PKIB: variants seen among roughly 807,000 people sequenced by gnomAD.
PKIB encodes the protein PKI-beta.
In PKIB, 2 loss-of-function variants were observed where a neutral mutation model predicts 4.5. The observed-to-expected ratio is 0.44, with a 90% CI of 0.18 to 1.39. PKIB has a LOEUF of 1.39. Ranked by LOEUF, PKIB falls within the 40% of genes most tolerant of loss-of-function variation. The pLI, the probability that PKIB is intolerant of heterozygous loss-of-function variation, is 0.27. For synonymous variants in PKIB, 38 were observed against 36.0 expected (o/e 1.06, Z -0.20); for missense variants, 94 against 92.6 (o/e 1.02, Z -0.06).
At chr6:122,499,106 T>G (rs1044494853) in intron 2 of PKIB, among the ~76,000 whole-genome samples, 13 of 152,164 alleles carry the variant, frequency 8.5e-5, no homozygotes, top group African/African-American at 3.1e-4. Context: ...CTGGATCAGA[T>G]GGATTCACAG....
intron 3 of PKIB, among the ~76,000 whole-genome samples, chr6:122,601,647 G>A (rs992848484): frequency 3.9e-5 from 6 of 152,040 alleles, no homozygotes; most frequent in Non-Finnish European, 8.8e-5. Context: ...AAGATGATGA[G>A]GATGAAGACC....
At chr6:122,537,230 A>G (rs559344388) in intron 2 of PKIB, among the ~76,000 whole-genome samples, 1 of 151,898 alleles carries the variant, frequency 6.6e-6, no homozygotes, top group Non-Finnish European at 1.5e-5. Context: ...GGTTTGTTAC[A>G]TATGTATACA....
At chr6:122,538,908 G>C (rs1035970088) in intron 2 of PKIB, among the ~76,000 whole-genome samples, 4 of 152,054 alleles carry the variant, frequency 2.6e-5, no homozygotes, top group African/African-American at 9.7e-5. Flanking sequence ...TCCCTTGTAA[G>C]TTGGATTCCT....
intron 3 of PKIB, among the ~76,000 whole-genome samples, chr6:122,603,545 C>T (rs926381981): frequency 3.3e-5 from 5 of 152,120 alleles, no homozygotes; most frequent in Admixed American, 2.0e-4. Context: ...GTGGTGCTAT[C>T]TCAACTCACT....
intron 2 of PKIB, among the ~76,000 whole-genome samples, chr6:122,546,820 T>TG: frequency 6.6e-6 from 1 of 152,086 alleles, no homozygotes; most frequent in Non-Finnish European, 1.5e-5. Flanking sequence ...ATAGGTACTA[T>TG]GGGGACAAAA....
Position 122,525,069 on chromosome 6 carries a change from T to A in PKIB, c.-248+47130T>A, listed in dbSNP as rs1158538747. On this transcript the variant is annotated intron_variant, in intron 2 of 6. Coordinates refer to the PKIB transcript ENST00000392491. ...AGTGTTAGGTTGTTAATTTTTTTTT[T>A]AAATGTATGCATTTACAGATATAAT... Among the ~76,000 whole-genome samples the A allele has an allele frequency of 3.3e-5, 5 of 150,866 alleles. No homozygotes were observed. The South Asian group carries it at 8.4e-4, about 25-fold the overall frequency.
chr6:122,625,228 T>G (rs185142438), intron 1 of PKIB, among the ~76,000 whole-genome samples: 2 of 152,362 alleles, frequency 1.3e-5, no homozygotes, highest in East Asian at 3.9e-4. Flanking sequence ...AATATATCTC[T>G]AATTCTTCGT....
chr6:122,662,289 T>TTC (rs1777026687), intron 2 of PKIB, among the ~76,000 whole-genome samples: 1 of 147,420 alleles, frequency 6.8e-6, no homozygotes, highest in Non-Finnish European at 1.5e-5. Flanking sequence ...TTCTCTCTCC[T>TTC]TCTTTCTTTC....
chr6:122,641,538 G>T (rs929861172), intron 2 of PKIB, among the ~76,000 whole-genome samples: 3 of 152,106 alleles, frequency 2.0e-5, no homozygotes, highest in Admixed American at 1.3e-4. Flanking sequence ...GGATCAGATT[G>T]CATATGAAGA....
chr6:122,683,391 C>A (rs1183999344), intron 3 of PKIB, among the ~76,000 whole-genome samples: 1 of 151,912 alleles, frequency 6.6e-6, no homozygotes, highest in Non-Finnish European at 1.5e-5. Context: ...GTGCCACACT[C>A]CTAAATTACC....
intron 3 of PKIB, among the ~76,000 whole-genome samples, chr6:122,680,505 G>A (rs1204888414): frequency 1.3e-5 from 2 of 152,122 alleles, no homozygotes; most frequent in Non-Finnish European, 2.9e-5. Flanking sequence ...GAAGATTAGA[G>A]TCATATTTTT....
At chr6:122,719,996 A>AT (rs1340079782) in intron 4 of PKIB, among the ~76,000 whole-genome samples, 1 of 152,084 alleles carries the variant, frequency 6.6e-6, no homozygotes, top group African/African-American at 2.4e-5. Flanking sequence ...TTGAAGGCTT[A>AT]TTTTTTTCTC....
At chr6:122,656,744 G>A (rs1018809369) in intron 2 of PKIB, among the ~76,000 whole-genome samples, 4 of 152,292 alleles carry the variant, frequency 2.6e-5, no homozygotes, top group Admixed American at 6.5e-5. Context: ...TACTGAGGAT[G>A]TCAAAGCAGA....
chr6:122,518,388 T>C (rs1345980162), intron 2 of PKIB, among the ~76,000 whole-genome samples: 1 of 151,892 alleles, frequency 6.6e-6, no homozygotes, highest in African/African-American at 2.4e-5. Context: ...CTTTTTAGAG[T>C]GGTACCTTCA....
At chr6:122,563,561 G>T (rs1406978007) in intron 2 of PKIB, among the ~76,000 whole-genome samples, 5 of 152,090 alleles carry the variant, frequency 3.3e-5, no homozygotes, top group African/African-American at 7.2e-5. Flanking sequence ...CTACCAGGGA[G>T]GGTAGGGAAG....
intron 1 of PKIB, among the ~76,000 whole-genome samples, chr6:122,622,871 A>C (rs2114794244): frequency 6.6e-6 from 1 of 151,508 alleles, no homozygotes; most frequent in African/African-American, 2.4e-5. Flanking sequence ...AGATTTAATT[A>C]AACATGAACT....
intron 1 of PKIB, among the ~76,000 whole-genome samples, chr6:122,623,791 A>G (rs1775328249): frequency 6.6e-6 from 1 of 152,178 alleles, no homozygotes; most frequent in Non-Finnish European, 1.5e-5. Flanking sequence ...TAATAGAACA[A>G]TTAAGTTTTT....
At chr6:122,544,186 A>G (rs1000065327) in intron 2 of PKIB, among the ~76,000 whole-genome samples, 22 of 152,112 alleles carry the variant, frequency 1.4e-4, no homozygotes, top group African/African-American at 5.1e-4. Flanking sequence ...ATCATAAGGT[A>G]AATTTTAACA....
At chr6:122,553,554 G>A (rs1409783855) in intron 2 of PKIB, among the ~76,000 whole-genome samples, 1 of 124,616 alleles carries the variant, frequency 8.0e-6, no homozygotes, top group African/African-American at 3.1e-5. Context: ...GTTGCTTTTA[G>A]TTCTTTCTCC....
Sources: allele counts gnomAD v4.1 joint callset (sites outside exome capture counted in the v4.1 genomes callset), GRCh38; gene constraint gnomAD v4.1.1; transcripts MANE v1.5; gene names NCBI Gene and HGNC (gene_info 2026-07-23, HGNC 2026-07-21).